SMIM8: variants seen among roughly 807,000 people sequenced by gnomAD.
The protein encoded by SMIM8 is small integral membrane protein 8.
In SMIM8, 8 loss-of-function variants were observed where a neutral mutation model predicts 8.1. The observed-to-expected ratio is 0.99, with a 90% confidence interval of 0.58 to 1.78. The LOEUF (loss-of-function observed/expected upper bound fraction) is 1.78, where lower values mean the gene tolerates loss of function less well. Ranked by LOEUF, SMIM8 falls within the 40% of genes most tolerant of loss-of-function variation. SMIM8 has a pLI of 0.00. For synonymous variants in SMIM8, 45 were observed against 39.7 expected, an observed-to-expected ratio of 1.13 and a Z score of -0.50; for missense variants, 126 against 119.8, an observed-to-expected ratio of 1.05 and a Z score of -0.24.
At chr6:87,328,837 G>A (rs1776913428) in intron 1 of SMIM8, among the ~76,000 whole-genome samples, 2 of 152,216 alleles carry the variant, frequency 1.3e-5, no homozygotes, top group South Asian at 2.1e-4. Flanking sequence ...AATGGCGGGC[G>A]CCCCTCCCCC....
At chr6:87,327,830 G>A (rs947122679) in intron 1 of SMIM8, among the ~76,000 whole-genome samples, 1 of 148,922 alleles carries the variant, frequency 6.7e-6, no homozygotes, top group Non-Finnish European at 1.5e-5. Context: ...AGTTCTCCTG[G>A]ATAATATCCT....
intron 1 of SMIM8, among the ~76,000 whole-genome samples, chr6:87,329,715 A>T (rs920902337): frequency 8.5e-5 from 13 of 152,200 alleles, no homozygotes; most frequent in African/African-American, 1.4e-4. Context: ...AAGGCCTTTT[A>T]TCAATTCAAG....
intron 1 of SMIM8, among the ~76,000 whole-genome samples, chr6:87,323,284 T>G (rs1466693004): frequency 6.6e-6 from 1 of 152,084 alleles, no homozygotes; most frequent in Non-Finnish European, 1.5e-5. Flanking sequence ...ATTTATTTAT[T>G]TGTTATTATT....
chr6:87,337,148 A>G lies in SMIM8; in HGVS notation c.117A>G (p.Pro39=), dbSNP rs1222668067. ...RTTTLFRAVN[P]ELFIKPNKPV... Reference sequence around the variant, plus strand: ...CAACCTTATTTCGTGCTGTGAATCCAGAGCTCTTCATTAAACCTGTAAGAA... The same window carrying G: ...CAACCTTATTTCGTGCTGTGAATCCGGAGCTCTTCATTAAACCTGTAAGAA... Residue 39 remains proline (P), a synonymous_variant, in exon 3 of 4, where the codon CCA becomes CCG. Transcript: ENST00000392863. The G allele has an allele frequency of 6.2e-7, 1 of 1,611,502 alleles. No homozygotes were observed.
At position 87,340,340 on chromosome 6, in the gene SMIM8, G is replaced by A; in HGVS notation, c.*66G>A. 1 of 1,428,274 alleles carries A rather than the reference G, an allele frequency of 7.0e-7. No individual in the cohort carries two copies. The highest frequency in any genetic ancestry group is 9.2e-7 in the Non-Finnish European group (1 of 1,081,438). The allele number at this position is 1,428,274 out of a possible 1,614,324, so 88.5% of individuals were successfully genotyped here. A position where few individuals can be genotyped will look rare whatever the true frequency, so the allele number is the denominator to read the frequency against. ...GAAATCTTCAAATGAAAGACCTTGT[G>A]AGTGTACAGTATCATGTTTCTTGTT... On this transcript the variant is annotated 3_prime_UTR_variant, in exon 4 of 4. Transcript: ENST00000392863.
Position 87,322,651 on chromosome 6 carries a change from G to T in SMIM8, c.-45+19G>T, listed in dbSNP as rs1300866766. 1 of 152,322 alleles carries T rather than the reference G, an allele frequency of 6.6e-6. No homozygotes were observed. Among genetic ancestry groups the T allele is most frequent in the Non-Finnish European group, 1.5e-5 (1 of 68,172 alleles). 9.4% of individuals were successfully genotyped at this position (152,322 alleles called of 1,614,324 possible). A position where few individuals can be genotyped will look rare whatever the true frequency, so the allele number is the denominator to read the frequency against. The stretch of plus-strand genomic sequence containing the variant: ...GCGAAAGGTAAGCGGCGGCTTCGGT[G>T]GTGTTGAGTGGCTGGGCGCCGGCCT... On this transcript the variant is annotated intron_variant, in intron 1 of 3. Coordinates refer to ENST00000392863, the MANE Select transcript of SMIM8 (RefSeq NM_001042493.3).
intron 1 of SMIM8, among the ~76,000 whole-genome samples, chr6:87,327,443 A>C (rs1776856117): frequency 6.6e-6 from 1 of 152,158 alleles, no homozygotes; most frequent in South Asian, 2.1e-4. Context: ...CTTTTAGGGC[A>C]GGCCTGCTGG....
chr6:87,341,204 T>C lies in SMIM8; in HGVS notation c.*930T>C. ...TTTGAAGTTTATATGCCAGCAGGCC[T>C]TTTTGTTTTTTTCCTTTTCAGAATG... On this transcript the variant is annotated 3_prime_UTR_variant, in exon 4 of 4. Transcript: ENST00000392863. 2.5e-6 allele frequency: 1 copy of C among 398,294 alleles called. No individual in the cohort carries two copies. Among genetic ancestry groups the C allele is most frequent in the Admixed American group, 4.4e-5 (1 of 22,730 alleles). The allele number at this position is 398,294 out of a possible 1,614,324, so 24.7% of individuals were successfully genotyped here.
Position 87,340,233 on chromosome 6 carries a change from G to A in SMIM8, c.253G>A (p.Gly85Arg), listed in dbSNP as rs200526393. The A allele has an allele frequency of 2.5e-6, 4 of 1,609,590 alleles. No homozygotes were observed. The highest frequency in any genetic ancestry group is 3.4e-6 in the Non-Finnish European group (4 of 1,178,568). Residue 85 changes from glycine to arginine, a missense_variant, in exon 4 of 4, where the codon GGG (glycine) becomes AGG (arginine). Coordinates refer to ENST00000392863, the MANE Select transcript of SMIM8 (RefSeq NM_001042493.3). The part of the protein sequence containing the change: ...KDLYEAIDSE[G>R]HSYMRRKTSK... ...CCTCTATGAAGCTATTGATAGTGAG[G>A]GGCACAGTTATATGAGGCGGAAAAC...
intron 2 of SMIM8, 156 bp downstream of exon 2, chr6:87,330,868 A>T (rs1776980896): frequency 6.6e-6 from 1 of 152,108 alleles, no homozygotes. Context: ...AAAGGGAACA[A>T]GAAGTGGGTG....
rs1014096939 is a variant in SMIM8, at chr6:87,340,785, A to G, written c.*511A>G. 2.6e-5 allele frequency: 4 copies of G among 152,680 alleles called. No homozygotes were observed. The highest frequency in any genetic ancestry group is 9.6e-5 in the African/African-American group (4 of 41,472). The allele number at this position is 152,680 out of a possible 1,614,324, so 9.5% of individuals were successfully genotyped here. On this transcript the variant is annotated 3_prime_UTR_variant, in exon 4 of 4. Coordinates refer to ENST00000392863, the MANE Select transcript of SMIM8 (RefSeq NM_001042493.3). ...GATATGAGAAACTGAGTTGGCTCTG[A>G]CAAGTAGTTTTTATAGTGTCACAAA... is the stretch of plus-strand genomic sequence containing the variant.
At chr6:87,323,151 G>A (rs187522218) in intron 1 of SMIM8, 8 of 152,218 alleles carry the variant, frequency 5.3e-5, no homozygotes, top group African/African-American at 1.9e-4. Context: ...CCATGACATT[G>A]GGGGAAGCCA....
chr6:87,333,248 G>A (rs1030534305), intron 2 of SMIM8, among the ~76,000 whole-genome samples: 1 of 152,122 alleles, frequency 6.6e-6, no homozygotes, highest in Non-Finnish European at 1.5e-5. Flanking sequence ...CTAATAGAGT[G>A]AGAACTCACT....
chr6:87,340,161 G>A lies in SMIM8; in HGVS notation c.181G>A (p.Val61Met), dbSNP rs755461432. 3.7e-6 allele frequency: 6 copies of A among 1,603,366 alleles called. No homozygotes were observed. Among genetic ancestry groups the A allele is most frequent in the Admixed American group, 1.7e-5 (1 of 57,882 alleles). ...CGGATTGGTAACTCTTTCACTTTGC[G>A]TGGCATATATTGGTTATCTACATGC... ...AFGLVTLSLC[V>M]AYIGYLHAIQ... The change falls in exon 4 of 4, where the codon GTG becomes ATG. Residue 61 changes from valine (V) to methionine (M), a missense_variant. Physicochemically the swap from Val to Met is conservative, Grantham distance 21 (BLOSUM62 1). Coordinates refer to ENST00000392863, the MANE Select transcript of SMIM8 (RefSeq NM_001042493.3).
intron 1 of SMIM8, among the ~76,000 whole-genome samples, chr6:87,327,324 T>C (rs1776852026): frequency 6.6e-6 from 1 of 151,866 alleles, no homozygotes; most frequent in South Asian, 2.1e-4. Context: ...TAGCTCGTTA[T>C]TTTGCTCGTT....
chr6:87,331,629 ATAGT>A (rs1776997187), intron 2 of SMIM8, among the ~76,000 whole-genome samples: 1 of 152,222 alleles, frequency 6.6e-6, no homozygotes. Context: ...TGTTTTTAAA[ATAGT>A]TATATATAAC....
At chr6:87,323,723 C>T (rs942587202) in intron 1 of SMIM8, among the ~76,000 whole-genome samples, 2 of 151,950 alleles carry the variant, frequency 1.3e-5, no homozygotes, top group Non-Finnish European at 2.9e-5. Flanking sequence ...TGAATAATGC[C>T]GCAATAAACA....
chr6:87,338,581 A>G (rs1278242486), intron 3 of SMIM8, among the ~76,000 whole-genome samples: 1 of 152,212 alleles, frequency 6.6e-6, no homozygotes, highest in Non-Finnish European at 1.5e-5. Context: ...GAGCCCACAT[A>G]ACAAGGGCTT....
At chr6:87,340,089 G>C (rs566856421) in intron 3 of SMIM8, 27 bp from the exon 4 acceptor site, 1 of 1,510,768 alleles carries the variant, frequency 6.6e-7, no homozygotes, top group South Asian at 1.4e-5. Context: ...TCTTACTAAA[G>C]CTTTATAATT....
Sources: gnomAD v4.1 joint callset for allele counts (sites outside exome capture counted in the v4.1 genomes callset) on GRCh38, gnomAD v4.1.1 for gene constraint, MANE v1.5 for transcripts, NCBI Gene and HGNC (gene_info 2026-07-23, HGNC 2026-07-21) for gene names.